BBS9: variants seen among roughly 807,000 people sequenced by gnomAD.
BBS9 encodes the protein Bardet-Biedl syndrome 9.
In BBS9, 89 loss-of-function variants were observed where a neutral mutation model predicts 117.7. The observed-to-expected ratio is 0.76, with a 90% CI of 0.64 to 0.90. The LOEUF (loss-of-function observed/expected upper bound fraction) is 0.90, where lower values mean the gene tolerates loss of function less well. Ranked by LOEUF, BBS9 falls within the 40% of genes least tolerant of loss-of-function variation. The pLI, the probability that BBS9 is intolerant of heterozygous loss-of-function variation, is 0.00. For synonymous variants in BBS9, 379 were observed against 370.9 expected (o/e 1.02, Z -0.25); for missense variants, 982 against 1,042.2 (o/e 0.94, Z 0.80).
intron 20 of BBS9, among the ~76,000 whole-genome samples, chr7:33,531,455 C>G (rs1312457772): frequency 3.9e-5 from 6 of 152,134 alleles, no homozygotes. Context: ...TACCTACACT[C>G]CAAGCCGCAG....
chr7:33,564,985 A>G (rs574261957), intron 21 of BBS9, among the ~76,000 whole-genome samples: 1 of 152,336 alleles, frequency 6.6e-6, no homozygotes, highest in East Asian at 1.9e-4. Flanking sequence ...TACACAGGGA[A>G]GTGAAAATAG....
In BBS9 at chr7:33,383,659, C is replaced by G; in HGVS notation, c.1790-7C>G. ...CTAAGCATTTTTCCTTAATTTTTTTCTCTCAGAACGATATCGCATTCAGAG... is the reference window on the plus strand; with the variant it reads ...CTAAGCATTTTTCCTTAATTTTTTTGTCTCAGAACGATATCGCATTCAGAG... On this transcript the variant is annotated splice_region_variant and splice_polypyrimidine_tract_variant and intron_variant, in intron 17 of 22. Coordinates refer to ENST00000242067, the MANE Select transcript of BBS9 (RefSeq NM_198428.3). 1 of 1,597,618 alleles carries G rather than the reference C, an allele frequency of 6.3e-7. No homozygotes were observed. The highest frequency in any genetic ancestry group is 1.8e-4 in the Middle Eastern group (1 of 5,692).
At chr7:33,341,596 T>C (rs955174164) in intron 11 of BBS9, among the ~76,000 whole-genome samples, 4 of 151,230 alleles carry the variant, frequency 2.6e-5, no homozygotes, top group Non-Finnish European at 5.9e-5. Flanking sequence ...GTTATGATTG[T>C]CATTATCATC....
intron 9 of BBS9, among the ~76,000 whole-genome samples, chr7:33,281,333 A>G (rs939339363): frequency 7.7e-5 from 10 of 129,430 alleles, no homozygotes; most frequent in African/African-American, 1.4e-4. Flanking sequence ...GAGTTCACTT[A>G]GATATTAGTT....
At chr7:33,428,424 T>G (rs1486587282) in intron 19 of BBS9, among the ~76,000 whole-genome samples, 2 of 152,294 alleles carry the variant, frequency 1.3e-5, no homozygotes, top group East Asian at 3.9e-4. Flanking sequence ...TTACTGCACA[T>G]CCTTTTCTCA....
chr7:33,344,455 G>T, intron 11 of BBS9, 126 bp from the exon 12 acceptor site: 1 of 901,042 alleles, frequency 1.1e-6, no homozygotes, highest in Non-Finnish European at 1.8e-6. Flanking sequence ...TCTGTCATTA[G>T]AGTAATAAAT....
intron 5 of BBS9, among the ~76,000 whole-genome samples, chr7:33,193,337 T>C (rs1784433830): frequency 6.6e-6 from 1 of 152,116 alleles, no homozygotes; most frequent in South Asian, 2.1e-4. Flanking sequence ...GTGTGAAATG[T>C]TTTTAGAGAC....
Position 33,329,025 on chromosome 7 carries a change from A to ATTTATTTG in BBS9, c.1017-7413_1017-7412insATTTGTTT, listed in dbSNP as rs1418494347. On this transcript the variant is annotated intron_variant, in intron 9 of 22. Transcript: ENST00000242067. ...TATTTATTTATTTATTTATTTATTT[A>ATTTATTTG]TTTGTTTATTTAGAAACGGAGTTTC... Among the ~76,000 whole-genome samples the ATTTATTTG allele has an allele frequency of 7.3e-4, 103 of 141,914 alleles. 1 individual carries two copies. The East Asian group carries it at 0.014, about 20-fold the overall frequency. 93.1% of individuals were successfully genotyped at this position (141,914 alleles called of 152,430 possible).
chr7:33,576,024 C>T (rs982910971), intron 21 of BBS9, among the ~76,000 whole-genome samples: 5 of 152,164 alleles, frequency 3.3e-5, no homozygotes, highest in African/African-American at 9.7e-5. Context: ...CTCACCTCTC[C>T]TATTCAATGT....
chr7:33,199,378 A>T (rs1198374373), intron 5 of BBS9, among the ~76,000 whole-genome samples: 4 of 152,008 alleles, frequency 2.6e-5, no homozygotes, highest in Non-Finnish European at 5.9e-5. Flanking sequence ...TGCCTGAAAC[A>T]TATTTCCTGT....
intron 21 of BBS9, among the ~76,000 whole-genome samples, chr7:33,596,850 ATTC>A (rs1244244479): frequency 6.6e-6 from 1 of 151,828 alleles, no homozygotes; most frequent in African/African-American, 2.4e-5. Flanking sequence ...CCTTCCTTCT[ATTC>A]TTCCATTTTG....
intron 16 of BBS9, among the ~76,000 whole-genome samples, chr7:33,362,625 A>G (rs1053670911): frequency 1.3e-5 from 2 of 152,106 alleles, no homozygotes; most frequent in African/African-American, 2.4e-5. Context: ...ATTTTTGTCT[A>G]TTGCTATATA....
chr7:33,497,744 C>T (rs1844924880), intron 19 of BBS9, among the ~76,000 whole-genome samples: 1 of 152,084 alleles, frequency 6.6e-6, no homozygotes, highest in Non-Finnish European at 1.5e-5. Flanking sequence ...TTTCATCAAG[C>T]TTTGAAACTT....
intron 21 of BBS9, among the ~76,000 whole-genome samples, chr7:33,604,218 T>A (rs1360252571): frequency 6.6e-6 from 1 of 152,174 alleles, no homozygotes; most frequent in African/African-American, 2.4e-5. Context: ...ATACAAGATT[T>A]TGGTGGATAA....
chr7:33,420,460 C>T (rs189658204), intron 19 of BBS9, among the ~76,000 whole-genome samples: 9 of 152,218 alleles, frequency 5.9e-5, no homozygotes, highest in African/African-American at 2.2e-4. Flanking sequence ...CTGACCAGCA[C>T]CAGACACGGG....
chr7:33,188,101 T>TGTGTGTGTGG (rs1644244878), intron 5 of BBS9, among the ~76,000 whole-genome samples: 1 of 71,270 alleles, frequency 1.4e-5, no homozygotes, highest in Non-Finnish European at 2.6e-5. Context: ...TGTGTGTGTG[T>TGTGTGTGTGG]GTGTGTGTGT....
chr7:33,389,472 G>A (rs1158263017), intron 19 of BBS9, among the ~76,000 whole-genome samples: 9 of 151,866 alleles, frequency 5.9e-5, no homozygotes, highest in South Asian at 2.1e-4. Flanking sequence ...GGCGGATCAC[G>A]AGGTCAGGAG....
In BBS9 at chr7:33,436,304, G is replaced by A. The variant is rs1325652016; in HGVS notation, c.2115+48160G>A. 2.0e-5 allele frequency among the ~76,000 whole-genome samples: 3 copies of A among 152,262 alleles called. No homozygotes were observed. The East Asian group carries it at 5.8e-4, about 29-fold the overall frequency. ...AACTTAGATCATGTTTTTGCATTGT[G>A]AAATAAGTGTGTTGTAGTGTACTTG... On this transcript the variant is annotated intron_variant, in intron 19 of 22. Coordinates refer to ENST00000242067, the MANE Select transcript of BBS9 (RefSeq NM_198428.3).
chr7:33,452,047 T>C (rs1837957132), intron 19 of BBS9, among the ~76,000 whole-genome samples: 1 of 152,168 alleles, frequency 6.6e-6, no homozygotes, highest in Non-Finnish European at 1.5e-5. Context: ...CTGGCCAGGC[T>C]GGTCTTGAAC....
Sources: allele counts gnomAD v4.1 joint callset (sites outside exome capture counted in the v4.1 genomes callset), GRCh38; gene constraint gnomAD v4.1.1; transcripts MANE v1.5; gene names NCBI Gene and HGNC (gene_info 2026-07-23, HGNC 2026-07-21).